Variants in STXBP5 observed in about 807,000 individuals in gnomAD.
STXBP5 encodes the protein syntaxin-binding protein 5.
Under a neutral mutation model 152.4 loss-of-function variants are expected in STXBP5, and 50 were observed. The ratio of observed to expected loss-of-function variants is 0.33; its 90% confidence interval spans 0.26 to 0.42. The LOEUF (loss-of-function observed/expected upper bound fraction) is 0.42, where lower values mean the gene tolerates loss of function less well. Ranked by LOEUF, STXBP5 falls within the 10% of genes least tolerant of loss-of-function variation. STXBP5 has a pLI of 1.00. For synonymous variants in STXBP5, 492 were observed against 494.7 expected, an observed-to-expected ratio of 0.99 and a Z score of 0.07; for missense variants, 1,167 against 1,388.6, an observed-to-expected ratio of 0.84 and a Z score of 2.54.
Position 147,267,094 on chromosome 6 carries a change from G to C in STXBP5, c.641G>C (p.Gly214Ala). Reference protein sequence around the residue: ...NPMDEGKLLIGFESGTVVLWD... With the variant: ...NPMDEGKLLIAFESGTVVLWD... ...TTTCTTTTATCACAGCTTTTGATTGGCTTTGAATCTGGAACAGTAGTTTTA... is the reference window on the plus strand; with the variant it reads ...TTTCTTTTATCACAGCTTTTGATTGCCTTTGAATCTGGAACAGTAGTTTTA... Residue 214 changes from glycine (G) to alanine (A), a missense_variant, in exon 7 of 28, where the codon GGC becomes GCC. By Grantham distance (60) the Gly-to-Ala change is moderately conservative. Around this residue, in one of 3 missense-constraint regions of STXBP5, gnomAD observed 310 missense variants for 346.1 expected, o/e 0.90. Transcript: ENST00000321680. 1 of 1,610,882 alleles carries C rather than the reference G, an allele frequency of 6.2e-7. No homozygotes were observed. The highest frequency in any genetic ancestry group is 1.1e-5 in the South Asian group (1 of 90,446).
intron 18 of STXBP5, among the ~76,000 whole-genome samples, chr6:147,333,287 C>T (rs1054249002): frequency 3.3e-5 from 5 of 152,024 alleles, no homozygotes; most frequent in Non-Finnish European, 5.9e-5. Context: ...TTTGGGAGGC[C>T]TAGGTGGGTG....
intron 2 of STXBP5, among the ~76,000 whole-genome samples, chr6:147,210,468 G>A (rs1457791643): frequency 6.6e-6 from 1 of 152,110 alleles, no homozygotes; most frequent in Non-Finnish European, 1.5e-5. Flanking sequence ...ATTAGTAGCT[G>A]TTTGGCATTG....
intron 9 of STXBP5, among the ~76,000 whole-genome samples, chr6:147,308,690 A>G (rs1385847990): frequency 6.6e-6 from 1 of 152,206 alleles, no homozygotes; most frequent in Non-Finnish European, 1.5e-5. Flanking sequence ...AGTATTATGT[A>G]CACAAGCACA....
chr6:147,332,338 T>TTAATAG (rs1283499528), intron 18 of STXBP5, among the ~76,000 whole-genome samples: 1 of 152,156 alleles, frequency 6.6e-6, no homozygotes, highest in Non-Finnish European at 1.5e-5. Context: ...GTAGATTACA[T>TTAATAG]TAATAGTGCC....
chr6:147,219,638 G>A (rs575690140), intron 2 of STXBP5, among the ~76,000 whole-genome samples: 5 of 151,842 alleles, frequency 3.3e-5, no homozygotes, highest in Non-Finnish European at 7.4e-5. Context: ...GGAGTTGGTC[G>A]GTCCATTTCA....
chr6:147,317,366 A>T (rs1388844672), intron 16 of STXBP5, among the ~76,000 whole-genome samples: 1 of 152,192 alleles, frequency 6.6e-6, no homozygotes, highest in Non-Finnish European at 1.5e-5. Flanking sequence ...ACAGAGTTTT[A>T]GAAAATTATA....
intron 7 of STXBP5, among the ~76,000 whole-genome samples, chr6:147,269,334 T>C (rs760983700): frequency 2.6e-5 from 4 of 152,174 alleles, no homozygotes; most frequent in Admixed American, 6.5e-5. Context: ...TAACAAATCT[T>C]GAATGCAAAC....
chr6:147,359,024 A>T (rs1784938238), intron 22 of STXBP5, 60 bp from the exon 23 acceptor site: 1 of 1,559,784 alleles, frequency 6.4e-7, no homozygotes. Flanking sequence ...ATATTAAAAA[A>T]CAACACAAAT....
chr6:147,246,136 A>G (rs1312022648), intron 4 of STXBP5, among the ~76,000 whole-genome samples: 4 of 152,204 alleles, frequency 2.6e-5, no homozygotes, highest in Admixed American at 2.0e-4. Context: ...TGAGAATTTG[A>G]TAAGTAAGAC....
intron 8 of STXBP5, among the ~76,000 whole-genome samples, chr6:147,280,333 T>C (rs772059576): frequency 2.0e-5 from 3 of 152,120 alleles, no homozygotes; most frequent in Non-Finnish European, 4.4e-5. Flanking sequence ...AGGATTGAGG[T>C]GTTCTTTTTG....
intron 21 of STXBP5, among the ~76,000 whole-genome samples, chr6:147,342,968 A>G (rs1562258141): frequency 1.3e-5 from 2 of 152,122 alleles, no homozygotes; most frequent in Non-Finnish European, 2.9e-5. Context: ...ATCCAGTTTT[A>G]TTACTAATTT....
At chr6:147,211,794 T>G (rs1379055033) in intron 2 of STXBP5, among the ~76,000 whole-genome samples, 1 of 152,288 alleles carries the variant, frequency 6.6e-6, no homozygotes, top group Admixed American at 6.5e-5. Flanking sequence ...TTGTCCAGGC[T>G]GGTCTTGAAC....
chr6:147,312,657 T>C (rs1392330760), intron 11 of STXBP5, among the ~76,000 whole-genome samples: 4 of 152,126 alleles, frequency 2.6e-5, no homozygotes, highest in African/African-American at 9.7e-5. Context: ...AGTACTGAGG[T>C]TGGGCGACCC....
intron 22 of STXBP5, among the ~76,000 whole-genome samples, chr6:147,356,767 A>T (rs530754863): frequency 1.3e-5 from 2 of 152,148 alleles, no homozygotes; most frequent in Non-Finnish European, 2.9e-5. Context: ...TGTAATTAAG[A>T]TTTGGCTATA....
intron 25 of STXBP5, among the ~76,000 whole-genome samples, chr6:147,366,092 G>T (rs1032914219): frequency 1.3e-5 from 2 of 152,146 alleles, no homozygotes; most frequent in African/African-American, 4.8e-5. Flanking sequence ...TTAAAGCCTG[G>T]CAGACTTCCC....
intron 9 of STXBP5, among the ~76,000 whole-genome samples, chr6:147,294,845 G>A (rs1195380346): frequency 6.6e-6 from 1 of 151,964 alleles, no homozygotes; most frequent in Non-Finnish European, 1.5e-5. Flanking sequence ...TTTATTCAGT[G>A]GTATATATTT....
chr6:147,314,182 T>TACACACACACACAC, intron 12 of STXBP5, 82 bp from the exon 13 acceptor site: 1 of 945,056 alleles, frequency 1.1e-6, no homozygotes, highest in African/African-American at 1.6e-5. Context: ...CTGGATTATT[T>TACACACACACACAC]ACACACACAC....
intron 2 of STXBP5, among the ~76,000 whole-genome samples, chr6:147,222,181 G>A (rs1404345463): frequency 6.6e-6 from 1 of 152,090 alleles, no homozygotes; most frequent in African/African-American, 2.4e-5. Flanking sequence ...TTATCCATTA[G>A]AGCCCTTAGC....
intron 4 of STXBP5, among the ~76,000 whole-genome samples, chr6:147,244,020 T>C (rs1778678458): frequency 6.6e-6 from 1 of 152,102 alleles, no homozygotes; most frequent in East Asian, 1.9e-4. Flanking sequence ...GGGATCCACA[T>C]CTGGATTCAA....
Sources: gnomAD v4.1 joint callset for allele counts (sites outside exome capture counted in the v4.1 genomes callset) on GRCh38, gnomAD v4.1.1 for gene constraint, gnomAD v4.1.1 regional missense constraint, MANE v1.5 for transcripts, NCBI Gene and HGNC (gene_info 2026-07-23, HGNC 2026-07-21) for gene names.